Variants in NPHP3 observed in about 807,000 individuals in gnomAD.
NPHP3 encodes the protein nephrocystin-3.
Under a neutral mutation model 171.9 loss-of-function variants are expected in NPHP3, and 123 were observed. The ratio of observed to expected loss-of-function variants is 0.72; its 90% CI spans 0.62 to 0.83. The LOEUF is 0.83. Among genes scored for constraint, NPHP3 ranks in the 40% least tolerant of loss-of-function variants. The probability of loss-of-function intolerance (pLI) is 0.00; values close to 1 mark genes in which losing one functional copy is unlikely to be tolerated. For missense variants in NPHP3, 1,506 were observed against 1,591.9 expected (o/e 0.95, Z 0.92); for synonymous variants, 558 against 579.2 (o/e 0.96, Z 0.52).
chr3:132,696,919 C>T (rs1560006569), intron 14 of NPHP3, 106 bp from the exon 15 acceptor site: 2 of 884,566 alleles, frequency 2.3e-6, no homozygotes, highest in Non-Finnish European at 3.7e-6. Context: ...AGAAATAACA[C>T]TATTGCTGCC....
At chr3:132,718,936 T>G (rs1401616291) in intron 3 of NPHP3, 58 bp downstream of exon 3, 1 of 1,572,902 alleles carries the variant, frequency 6.4e-7, no homozygotes, top group East Asian at 2.2e-5. Context: ...CAAAGTTGGC[T>G]CTACATGTCA....
At position 132,700,070 on chromosome 3, in the gene NPHP3, T is replaced by A; in HGVS notation, c.1744-9A>T. ...CAAGAGTGCTGCATCAACTACAAGA[T>A]AAGAACACACACAAACTGAAGTAGT... On this transcript the variant is annotated splice_polypyrimidine_tract_variant and intron_variant, in intron 11 of 26. Coordinates refer to ENST00000337331, the MANE Select transcript of NPHP3 (RefSeq NM_153240.5). 1 of 1,613,972 alleles carries A rather than the reference T, an allele frequency of 6.2e-7. No homozygotes were observed. Among genetic ancestry groups the A allele is most frequent in the Non-Finnish European group, 8.5e-7 (1 of 1,179,884 alleles).
At chr3:132,721,704 A>G (rs1256615785) in intron 1 of NPHP3, 3 of 667,990 alleles carry the variant, frequency 4.5e-6, no homozygotes, top group African/African-American at 1.8e-5. Context: ...TAGGAGGCCG[A>G]GGCGGGAGGA....
At chr3:132,696,905 C>T in intron 14 of NPHP3, 92 bp from the exon 15 acceptor site, 2 of 976,436 alleles carry the variant, frequency 2.0e-6, no homozygotes, top group Non-Finnish European at 3.3e-6. Context: ...ACAAGTACCC[C>T]GACAGAAATA....
Position 132,688,858 on chromosome 3 carries a change from G to T in NPHP3, c.2917C>A (p.Arg973=). ...IVPLQRSLEI[R]ETALDPDHPR... ...TGATCGGGATCTAAAGCTGTTTCTC[G>T]AATCTCTAAAGACCTCTGCAAAGGT... is the stretch of plus-strand genomic sequence containing the variant. The change falls in exon 21 of 27, where the codon CGA becomes AGA. Residue 973 remains arginine (R), a synonymous_variant. Coordinates refer to ENST00000337331, the MANE Select transcript of NPHP3 (RefSeq NM_153240.5). 3.1e-6 allele frequency: 5 copies of T among 1,614,018 alleles called. No homozygotes were observed. The highest frequency in any genetic ancestry group is 4.2e-6 in the Non-Finnish European group (5 of 1,179,962).
chr3:132,719,105 G>C lies in NPHP3; in HGVS notation c.559C>G (p.Leu187Val). 1.2e-6 allele frequency: 2 copies of C among 1,613,466 alleles called. No homozygotes were observed. Among genetic ancestry groups the C allele is most frequent in the Non-Finnish European group, 1.7e-6 (2 of 1,179,618 alleles). Reference sequence around the variant, plus strand: ...CTCTCCAACTCCCTCTTGGCCCTCAGTAAGTCCTGAATTTCATTTTCTTTG... The same window carrying C: ...CTCTCCAACTCCCTCTTGGCCCTCACTAAGTCCTGAATTTCATTTTCTTTG... ...ETKENEIQDL[L>V]RAKRELESKL... Residue 187 changes from leucine to valine, a missense_variant, in exon 3 of 27, where the codon CTG becomes GTG. Leu to Val is a conservative substitution (Grantham distance 32). Coordinates refer to ENST00000337331, the MANE Select transcript of NPHP3 (RefSeq NM_153240.5).
In NPHP3 at chr3:132,713,087, T is replaced by A. The variant is rs776394849; in HGVS notation, c.1118+39A>T. On this transcript the variant is annotated intron_variant, in intron 6 of 26. Transcript: ENST00000337331. The stretch of plus-strand genomic sequence containing the variant: ...TTGGCAAACTCAATTCTATTTACAG[T>A]TTACTGCTTATAATAAATTACATTT... 34 of 1,144,828 alleles carry A rather than the reference T, an allele frequency of 3.0e-5. No homozygotes were observed. In the African/African-American group the frequency reaches 4.2e-4, roughly 14 times the overall value. 70.9% of individuals were successfully genotyped at this position (1,144,828 alleles called of 1,614,324 possible).
At position 132,722,234 on chromosome 3, in the gene NPHP3, AG is replaced by A. The variant is rs1217363089; in HGVS notation, c.121del (p.Leu41CysfsTer108). The A allele has an allele frequency of 6.4e-7, 1 of 1,556,142 alleles. No homozygotes were observed. Among genetic ancestry groups the A allele is most frequent in the Non-Finnish European group, 8.6e-7 (1 of 1,161,446 alleles). ...PVEVKPKARL[L>X]RNSFRRGAGA... ...CGCGCCTCGGCGGAACGAGTTGCGC[AG>A]CAGGCGGGCCTTGGGCTTCACCTCC... is the stretch of plus-strand genomic sequence containing the variant. On this transcript the variant is annotated frameshift_variant, in exon 1 of 27. Coordinates refer to ENST00000337331, the MANE Select transcript of NPHP3 (RefSeq NM_153240.5). LOFTEE classifies it high-confidence loss of function.
rs1164115011 is a variant in NPHP3, at chr3:132,680,624, CTTTTA to C, written c.*1281_*1285del. 6.6e-6 allele frequency: 1 copy of C among 152,070 alleles called. No homozygotes were observed. Among genetic ancestry groups the C allele is most frequent in the African/African-American group, 2.4e-5 (1 of 41,406 alleles). 9.4% of individuals were successfully genotyped at this position (152,070 alleles called of 1,614,324 possible). ...GGGGAAAAAAGAACTTGAAATTGCA[CTTTTA>C]TTTTAAAACAGTGAAGTGTGGCTAT... On this transcript the variant is annotated 3_prime_UTR_variant, in exon 27 of 27. Transcript: ENST00000337331.
chr3:132,718,879 T>C lies in NPHP3; in HGVS notation c.670+115A>G. 2.9e-6 allele frequency: 3 copies of C among 1,043,588 alleles called. No homozygotes were observed. In the South Asian group the frequency reaches 3.9e-5, roughly 14 times the overall value. 64.6% of individuals were successfully genotyped at this position (1,043,588 alleles called of 1,614,324 possible). On this transcript the variant is annotated intron_variant, in intron 3 of 26. Transcript: ENST00000337331. ...ACACGACACTATTTGCAACAGTAGTTAAAGCAATAACCTAATATAGATAAG... is the reference window on the plus strand; with the variant it reads ...ACACGACACTATTTGCAACAGTAGTCAAAGCAATAACCTAATATAGATAAG...
chr3:132,719,681 G>A (rs201356357), intron 2 of NPHP3, 24 bp downstream of exon 2: 162 of 1,481,270 alleles, frequency 1.1e-4, no homozygotes, highest in Admixed American at 6.6e-4. Context: ...TGTTGCTTTG[G>A]GGGTAAAAAT....
intron 25 of NPHP3, among the ~76,000 whole-genome samples, 190 bp downstream of exon 25, chr3:132,683,209 G>GT (rs1316876269): frequency 6.6e-6 from 1 of 152,162 alleles, no homozygotes; most frequent in Non-Finnish European, 1.5e-5. Context: ...AACTAACAGT[G>GT]TTTTACACTA....
At chr3:132,721,878 T>G in intron 1 of NPHP3, 85 bp downstream of exon 1, 1 of 1,538,292 alleles carries the variant, frequency 6.5e-7, no homozygotes, top group Non-Finnish European at 8.8e-7. Flanking sequence ...TCCGCCGAAC[T>G]TTCAAAGCCG....
rs765893425 is a variant in NPHP3, at chr3:132,692,731, TC to T, written c.2397del (p.Thr800ProfsTer13). On this transcript the variant is annotated frameshift_variant, in exon 17 of 27. Transcript: ENST00000337331. LOFTEE classifies it high-confidence loss of function. ...TTGTATAAACTGTGAATAAGGGAGG[TC>T]AAGAAAGTCCAGGACATCTCAGGAT... Reference protein sequence around the residue: ...ELYPEMSWTFLTSLIHSLYKM... With the variant: ...ELYPEMSWTFXTSLIHSLYKM... 1 of 1,613,504 alleles carries T rather than the reference TC, an allele frequency of 6.2e-7. No homozygotes were observed. The highest frequency in any genetic ancestry group is 1.1e-5 in the South Asian group (1 of 91,046).
At chr3:132,720,609 C>T (rs569039843) in intron 1 of NPHP3, among the ~76,000 whole-genome samples, 1 of 152,288 alleles carries the variant, frequency 6.6e-6, no homozygotes, top group Non-Finnish European at 1.5e-5. Context: ...GACTTCTTCC[C>T]AGACAACGAC....
chr3:132,705,691 G>A, intron 8 of NPHP3, 49 bp downstream of exon 8: 1 of 991,260 alleles, frequency 1.0e-6, no homozygotes, highest in South Asian at 1.3e-5. Context: ...TTCATAGAAA[G>A]TGATCTTAAA....
intron 9 of NPHP3, among the ~76,000 whole-genome samples, chr3:132,701,980 A>G (rs1016929419): frequency 2.0e-5 from 3 of 152,124 alleles, no homozygotes; most frequent in Non-Finnish European, 2.9e-5. Flanking sequence ...GAGCCGAGAC[A>G]GTGCCACCGC....
At chr3:132,697,108 T>C (rs1458535651) in intron 14 of NPHP3, 152 bp downstream of exon 14, 1 of 688,464 alleles carries the variant, frequency 1.5e-6, no homozygotes, top group African/African-American at 1.8e-5. Context: ...CTACCTGTCA[T>C]TAGTTTAAGA....
In NPHP3 at chr3:132,683,508, G is replaced by C. The variant is rs763522992; in HGVS notation, c.3587C>G (p.Ala1196Gly). The stretch of plus-strand genomic sequence containing the variant: ...AACAGCCAATTCATACAAAGGTACA[G>C]CTTTGTCAAGTTTCCCCTAAAAAAC... ...LYKKMGKLDKAVPLYELAVEI... is the reference protein window; with the variant it reads ...LYKKMGKLDKGVPLYELAVEI... Residue 1196 changes from alanine (A) to glycine (G), a missense_variant, in exon 25 of 27, where the codon GCT becomes GGT. This residue lies in a region of NPHP3 where 569 missense variants were observed against 648.1 expected (regional missense o/e 0.88). Coordinates refer to ENST00000337331, the MANE Select transcript of NPHP3 (RefSeq NM_153240.5). 1 of 1,612,368 alleles carries C rather than the reference G, an allele frequency of 6.2e-7. No individual in the cohort carries two copies. The highest frequency in any genetic ancestry group is 2.2e-5 in the East Asian group (1 of 44,788).
Sources: allele counts gnomAD v4.1 joint callset (sites outside exome capture counted in the v4.1 genomes callset), GRCh38; gene constraint gnomAD v4.1.1; regional missense constraint gnomAD v4.1.1; transcripts MANE v1.5; gene names NCBI Gene and HGNC (gene_info 2026-07-23, HGNC 2026-07-21).